Variants in UAP1 observed in about 807,000 individuals in gnomAD.
UAP1 encodes UDP-N-acetylglucosamine pyrophosphorylase 1.
A neutral mutation model predicts 58.5 loss-of-function variants in UAP1; 25 were observed. The ratio of observed to expected loss-of-function variants is 0.43; its 90% CI spans 0.31 to 0.60. The LOEUF is 0.60. Ranked by LOEUF, UAP1 falls within the 20% of genes least tolerant of loss-of-function variation. The pLI is 0.11. For synonymous variants in UAP1, 208 were observed against 213.0 expected (o/e 0.98, Z 0.21); for missense variants, 575 against 630.0 (o/e 0.91, Z 0.93).
intron 5 of UAP1, among the ~76,000 whole-genome samples, chr1:162,584,795 A>C (rs1434736952): frequency 6.6e-6 from 1 of 151,990 alleles, no homozygotes; most frequent in East Asian, 1.9e-4. Flanking sequence ...CAGTACTTTA[A>C]TAGGCCCCTG....
chr1:162,589,273 AAT>A (rs959752826), intron 7 of UAP1, among the ~76,000 whole-genome samples: 8 of 130,068 alleles, frequency 6.2e-5, no homozygotes, highest in Admixed American at 1.9e-4. Context: ...ATTTATTTAT[AAT>A]ATATATAAAT....
intron 10 of UAP1, among the ~76,000 whole-genome samples, chr1:162,598,623 A>C (rs1373039998): frequency 6.6e-6 from 1 of 152,098 alleles, no homozygotes; most frequent in East Asian, 1.9e-4. Context: ...AAACTTGGGG[A>C]TTTAGAGGTC....
rs536863556 is a variant in UAP1 at position 162,589,176 on chromosome 1, TTA to T, written c.1169+350_1169+351del. Among the ~76,000 whole-genome samples the T allele has an allele frequency of 7.3e-3, 699 of 95,970 alleles. 4 individuals carry two copies. Among genetic ancestry groups the T allele is most frequent in the African/African-American group, 0.027 (624 of 22,886 alleles). 63.0% of individuals were successfully genotyped at this position (95,970 alleles called of 152,430 possible). A position where few individuals can be genotyped will look rare whatever the true frequency, so the allele number is the denominator to read the frequency against. On this transcript the variant is annotated intron_variant, in intron 7 of 10. Transcript: ENST00000271469. ...ATATATTATATATAATATATAAATA[TTA>T]TATATAATATATATTATATATTATA...
At chr1:162,570,834 A>G (rs1653814960) in intron 2 of UAP1, among the ~76,000 whole-genome samples, 1 of 152,168 alleles carries the variant, frequency 6.6e-6, no homozygotes, top group Non-Finnish European at 1.5e-5. Flanking sequence ...TGGAGTTCTG[A>G]TAATTTAAAT....
At chr1:162,577,016 C>T (rs1223115985) in intron 3 of UAP1, 35 bp downstream of exon 3, 2 of 1,588,234 alleles carry the variant, frequency 1.3e-6, no homozygotes, top group Middle Eastern at 1.7e-4. Context: ...TGTGTCTGAA[C>T]ATATATTGTT....
At chr1:162,582,957 AATACTCTGTGAG>A (rs1384689200) in intron 5 of UAP1, among the ~76,000 whole-genome samples, 5 of 149,036 alleles carry the variant, frequency 3.4e-5, no homozygotes, top group African/African-American at 1.2e-4. Context: ...TATCTGTTCC[AATACTCTGTGAG>A]TATCTGAACT....
intron 4 of UAP1, 79 bp downstream of exon 4, chr1:162,579,682 T>A: frequency 8.0e-7 from 1 of 1,251,820 alleles, no homozygotes; most frequent in South Asian, 1.7e-5. Flanking sequence ...CTTTTTAACA[T>A]GGTGATTTTG....
chr1:162,590,824 A>C (rs1243640622), intron 8 of UAP1, among the ~76,000 whole-genome samples: 2 of 151,056 alleles, frequency 1.3e-5, no homozygotes, highest in South Asian at 4.2e-4. Flanking sequence ...TTGGTGTGCC[A>C]TATGGTTAAA....
intron 2 of UAP1, among the ~76,000 whole-genome samples, chr1:162,576,209 T>G (rs1654166260): frequency 6.6e-6 from 1 of 152,230 alleles, no homozygotes; most frequent in South Asian, 2.1e-4. Context: ...CTGCTATATT[T>G]GCATGCTCAT....
rs549581026 is a variant in UAP1 at position 162,591,099 on chromosome 1, A to G, written c.1358+588A>G. On this transcript the variant is annotated intron_variant, in intron 8 of 10. Transcript: ENST00000271469. The stretch of plus-strand genomic sequence containing the variant: ...ATGCCACCACACCCAGCTAATTTTT[A>G]TATTTTTAGTAGAGATGGGCTTTCA... 9.2e-5 allele frequency among the ~76,000 whole-genome samples: 14 copies of G among 152,014 alleles called. No individual in the cohort carries two copies. The South Asian group carries it at 2.7e-3, about 29-fold the overall frequency.
chr1:162,589,540 G>A (rs1655172052), intron 7 of UAP1, among the ~76,000 whole-genome samples: 1 of 151,524 alleles, frequency 6.6e-6, no homozygotes, highest in South Asian at 2.1e-4. Flanking sequence ...TTTGTATTTA[G>A]GATATCTTCT....
At chr1:162,576,407 A>G (rs1048834404) in intron 2 of UAP1, among the ~76,000 whole-genome samples, 3 of 152,244 alleles carry the variant, frequency 2.0e-5, no homozygotes, top group African/African-American at 7.2e-5. Context: ...TTAGTTCACT[A>G]AAATGCATCG....
chr1:162,570,128 G>GCA (rs1653766035), intron 2 of UAP1, among the ~76,000 whole-genome samples: 1 of 146,466 alleles, frequency 6.8e-6, no homozygotes, highest in Non-Finnish European at 1.5e-5. Context: ...CAGCCTGGTT[G>GCA]ACAGAGCGAG....
chr1:162,565,803 TAAAC>T (rs1046454622), intron 1 of UAP1, among the ~76,000 whole-genome samples: 2 of 152,236 alleles, frequency 1.3e-5, no homozygotes, highest in African/African-American at 4.8e-5. Context: ...TGTTGAAAAT[TAAAC>T]AAGACCATGA....
chr1:162,568,859 T>A (rs554791795), intron 2 of UAP1, among the ~76,000 whole-genome samples: 1 of 152,350 alleles, frequency 6.6e-6, no homozygotes, highest in Non-Finnish European at 1.5e-5. Context: ...TTGGGGAACA[T>A]AAGCCACAAT....
intron 2 of UAP1, among the ~76,000 whole-genome samples, chr1:162,574,483 G>A (rs991526180): frequency 1.3e-5 from 2 of 152,172 alleles, no homozygotes; most frequent in African/African-American, 4.8e-5. Context: ...GTTGGTAAAT[G>A]AAATAAACCC....
intron 6 of UAP1, 68 bp downstream of exon 6, chr1:162,587,736 G>T (rs1038509768): frequency 6.8e-6 from 10 of 1,468,010 alleles, no homozygotes; most frequent in Admixed American, 3.8e-5. Flanking sequence ...CACTTGAGAG[G>T]GATGCAGACA....
intron 2 of UAP1, among the ~76,000 whole-genome samples, chr1:162,568,872 AG>A (rs1318209918): frequency 1.3e-5 from 2 of 152,196 alleles, no homozygotes; most frequent in Middle Eastern, 3.2e-3. Flanking sequence ...GCCACAATTA[AG>A]GTATCCTATA....
chr1:162,595,550 C>T (rs1557981761), intron 9 of UAP1, among the ~76,000 whole-genome samples: 1 of 152,116 alleles, frequency 6.6e-6, no homozygotes, highest in Non-Finnish European at 1.5e-5. Flanking sequence ...CCCACTATGC[C>T]TCCTCTTTTC....
Sources: allele counts gnomAD v4.1 joint callset (sites outside exome capture counted in the v4.1 genomes callset), GRCh38; gene constraint gnomAD v4.1.1; transcripts MANE v1.5; gene names NCBI Gene and HGNC (gene_info 2026-07-23, HGNC 2026-07-21).